PHC1: variants seen among roughly 807,000 people sequenced by gnomAD.
The protein encoded by PHC1 is polyhomeotic-like protein 1.
Under a neutral mutation model 104.3 loss-of-function variants are expected in PHC1, and 12 were observed. The observed-to-expected ratio is 0.12, with a 90% CI of 0.07 to 0.19. PHC1 has a LOEUF of 0.19. Among genes scored for constraint, PHC1 ranks in the 10% least tolerant of loss-of-function variants. The pLI is 1.00. For missense variants in PHC1, 671 were observed against 1,200.0 expected (o/e 0.56, Z 6.51); for synonymous variants, 302 against 455.8 (o/e 0.66, Z 4.30).
chr12:8,937,908 C>T lies in PHC1; in HGVS notation c.2708C>T (p.Ser903Leu). The T allele has an allele frequency of 1.2e-6, 2 of 1,608,290 alleles. No homozygotes were observed. Among genetic ancestry groups the T allele is most frequent in the Non-Finnish European group, 1.7e-6 (2 of 1,174,862 alleles). ...ALSPTSPGPL[S>L]VRAGHGERDL... ...TCTCCAACATCTCCTGGGCCTTTAT[C>T]AGTAAGAGCTGGGCATGGAGAACGT... The change falls in exon 14 of 15, where the codon TCA becomes TTA. Residue 903 changes from serine to leucine, a missense_variant. This residue lies in a region of PHC1 where 192 missense variants were observed against 280.5 expected (regional missense o/e 0.68). Coordinates refer to ENST00000544916, the MANE Select transcript of PHC1 (RefSeq NM_004426.3).
Position 8,930,494 on chromosome 12 carries a change from C to G in PHC1, c.672C>G (p.Gly224=), listed in dbSNP as rs1465801956. ...CAGCTCAAGGACCTCAGATGCAAGG[C>G]TCCACTCAGAAGGCCATTCCTCCAG... The part of the protein sequence containing the change: ...QASAQGPQMQ[G]STQKAIPPGA... Residue 224 remains glycine (G), a synonymous_variant, in exon 7 of 15, where the codon GGC becomes GGG. Coordinates refer to ENST00000544916, the MANE Select transcript of PHC1 (RefSeq NM_004426.3). The G allele has an allele frequency of 6.4e-7, 1 of 1,558,694 alleles. No homozygotes were observed. The highest frequency in any genetic ancestry group is 1.9e-5 in the Admixed American group (1 of 51,920).
In PHC1 at chr12:8,919,921, G is replaced by A; in HGVS notation, c.225+55G>A. The stretch of plus-strand genomic sequence containing the variant: ...AGGGAGGGGACAGGCACTACAGGTG[G>A]GTAGGGGAGATTTTTTGGGCATATA... On this transcript the variant is annotated intron_variant, in intron 3 of 14. Transcript: ENST00000544916. This position sits in a 1 kb window ranked among gnomAD's most constrained non-coding sequence, Gnocchi z 4.9. The A allele has an allele frequency of 6.4e-7, 1 of 1,571,212 alleles. No homozygotes were observed. Among genetic ancestry groups the A allele is most frequent in the Non-Finnish European group, 8.6e-7 (1 of 1,156,222 alleles).
intron 1 of PHC1, among the ~76,000 whole-genome samples, chr12:8,916,765 T>C (rs1224117710): frequency 6.6e-6 from 1 of 152,160 alleles, no homozygotes; most frequent in Non-Finnish European, 1.5e-5. Context: ...TAAAATGATA[T>C]ATTACATTCA....
intron 6 of PHC1, among the ~76,000 whole-genome samples, chr12:8,923,374 A>T (rs1382268425): frequency 6.6e-6 from 1 of 152,188 alleles, no homozygotes; most frequent in Non-Finnish European, 1.5e-5. Context: ...CTAGGATCTT[A>T]CGATAATTAT....
At position 8,921,460 on chromosome 12, in the gene PHC1, T is replaced by G. The variant is rs1431109781; in HGVS notation, c.307-141T>G. 3 of 780,466 alleles carry G rather than the reference T, an allele frequency of 3.8e-6. No homozygotes were observed. The South Asian group carries it at 5.0e-5, about 13-fold the overall frequency. 48.3% of individuals were successfully genotyped at this position (780,466 alleles called of 1,614,324 possible). A position where few individuals can be genotyped will look rare whatever the true frequency, so the allele number is the denominator to read the frequency against. On this transcript the variant is annotated intron_variant, in intron 4 of 14. Coordinates refer to ENST00000544916, the MANE Select transcript of PHC1 (RefSeq NM_004426.3). ...GTAGCCAGGATGACAGTTTTGGATA[T>G]GAAGACATTATTTATTTCCCCCGGC...
intron 13 of PHC1, among the ~76,000 whole-genome samples, 154 bp downstream of exon 13, chr12:8,937,480 C>T (rs1436257561): frequency 6.6e-6 from 1 of 152,166 alleles, no homozygotes; most frequent in Non-Finnish European, 1.5e-5. Flanking sequence ...TCCTGACCCC[C>T]TTTGTCTCCG....
Position 8,921,763 on chromosome 12 carries a change from T to C in PHC1, c.456+13T>C. ...GATGTATCTACGGGTAAGCCACAGATGCAGTCACCATTGCCCCAGAGGCAT... is the reference window on the plus strand; with the variant it reads ...GATGTATCTACGGGTAAGCCACAGACGCAGTCACCATTGCCCCAGAGGCAT... On this transcript the variant is annotated intron_variant, in intron 5 of 14. Transcript: ENST00000544916. The C allele has an allele frequency of 6.3e-7, 1 of 1,581,734 alleles. No homozygotes were observed. Among genetic ancestry groups the C allele is most frequent in the Non-Finnish European group, 8.6e-7 (1 of 1,166,106 alleles).
chr12:8,940,264 T>C lies in PHC1; in HGVS notation c.*805T>C, dbSNP rs1945971730. The C allele has an allele frequency of 1.2e-5, 2 of 161,302 alleles. No homozygotes were observed. The highest frequency in any genetic ancestry group is 4.9e-5 in the African/African-American group (2 of 40,882). 10.0% of individuals were successfully genotyped at this position (161,302 alleles called of 1,614,324 possible). A position where few individuals can be genotyped will look rare whatever the true frequency, so the allele number is the denominator to read the frequency against. On this transcript the variant is annotated 3_prime_UTR_variant, in exon 15 of 15. Coordinates refer to ENST00000544916, the MANE Select transcript of PHC1 (RefSeq NM_004426.3). ...CACTATTCCTTATATAACAAAAATA[T>C]TAAATATTTTTTTCCTCAGTAAAAG...
In PHC1 at chr12:8,921,623, C is replaced by A; in HGVS notation, c.329C>A (p.Ala110Asp). Residue 110 changes from alanine to aspartate, a missense_variant, in exon 5 of 15, where the codon GCC becomes GAC. Ala to Asp is a moderately radical substitution (Grantham distance 126, BLOSUM62 -2). Transcript: ENST00000544916. ...CAGATCAATCTGGCCACCACATCGG[C>A]CGCCCAGCTCATCAGCCGATCCCAG... is the stretch of plus-strand genomic sequence containing the variant. ...QASINLATTS[A>D]AQLISRSQSV... is the part of the protein sequence containing the mutation. The A allele has an allele frequency of 6.2e-7, 1 of 1,613,740 alleles. No homozygotes were observed. Among genetic ancestry groups the A allele is most frequent in the South Asian group, 1.1e-5 (1 of 91,008 alleles).
upstream of PHC1, among the ~76,000 whole-genome samples, chr12:8,914,214 G>C (rs961806377): frequency 1.3e-5 from 2 of 151,852 alleles, no homozygotes; most frequent in Non-Finnish European, 2.9e-5. Context: ...TCTCCTCTCC[G>C]AGAGGTGCGT....
chr12:8,929,706 T>G (rs1291215688), intron 6 of PHC1, among the ~76,000 whole-genome samples: 2 of 152,028 alleles, frequency 1.3e-5, no homozygotes, highest in East Asian at 3.9e-4. Context: ...TTTCTGTATT[T>G]TTTTGTAGAG....
At chr12:8,931,718 C>A (rs1945691140) in intron 7 of PHC1, among the ~76,000 whole-genome samples, 1 of 152,102 alleles carries the variant, frequency 6.6e-6, no homozygotes, top group Admixed American at 6.5e-5. Context: ...TGCTTTCAGA[C>A]TGCGGGTAAG....
chr12:8,922,484 ATATGAGGCTCCTGGGTTGG>A, intron 5 of PHC1, 130 bp from the exon 6 acceptor site: 1 of 639,544 alleles, frequency 1.6e-6, no homozygotes, highest in Non-Finnish European at 2.7e-6. Flanking sequence ...CATGTGGAGA[ATATGAGGCTCCTGGGTTGG>A]TGTGGAAGAG....
At chr12:8,924,781 A>G (rs761894307) in intron 6 of PHC1, among the ~76,000 whole-genome samples, 3 of 152,224 alleles carry the variant, frequency 2.0e-5, no homozygotes, top group Non-Finnish European at 4.4e-5. Flanking sequence ...AGGAGGTTGT[A>G]GTTAACTTCA....
chr12:8,935,143 T>G lies in PHC1; in HGVS notation c.2273T>G (p.Leu758Arg). The G allele has an allele frequency of 1.3e-6, 2 of 1,575,352 alleles. No individual in the cohort carries two copies. Among genetic ancestry groups the G allele is most frequent in the Non-Finnish European group, 1.7e-6 (2 of 1,153,408 alleles). ...GGACAGGTGGGTTGTTCTCAGTTAC[T>G]GAAGGAGTCTGAGAAGCCACTACAG... The part of the protein sequence containing the change: ...EPFPVGCSQL[L>R]KESEKPLQTG... Residue 758 changes from leucine (L) to arginine (R), a missense_variant, in exon 11 of 15, where the codon CTG becomes CGG. Leu to Arg is a moderately radical substitution (Grantham distance 102). This residue lies in a region of PHC1 where 192 missense variants were observed against 280.5 expected (regional missense o/e 0.68). Coordinates refer to ENST00000544916, the MANE Select transcript of PHC1 (RefSeq NM_004426.3).
chr12:8,920,926 A>T, intron 3 of PHC1, 59 bp from the exon 4 acceptor site: 1 of 1,130,378 alleles, frequency 8.8e-7, no homozygotes, highest in Non-Finnish European at 1.3e-6. Context: ...TTACTAGAAG[A>T]CTGAGAGCTT....
At chr12:8,929,719 A>G (rs1004278439) in intron 6 of PHC1, among the ~76,000 whole-genome samples, 3 of 151,856 alleles carry the variant, frequency 2.0e-5, no homozygotes, top group Non-Finnish European at 4.4e-5. Flanking sequence ...TTGTAGAGGC[A>G]GTGTTGCCCA....
At chr12:8,929,396 A>G (rs1037633491) in intron 6 of PHC1, among the ~76,000 whole-genome samples, 4 of 152,120 alleles carry the variant, frequency 2.6e-5, no homozygotes, top group African/African-American at 9.7e-5. Flanking sequence ...CTCCTTATCC[A>G]CAGCCTGCCT....
chr12:8,930,306 G>C, intron 6 of PHC1, 129 bp from the exon 7 acceptor site: 1 of 1,383,200 alleles, frequency 7.2e-7, no homozygotes. Context: ...AAAGTATATG[G>C]TAAAGGCAGA....
Sources: gnomAD v4.1 joint callset for allele counts (sites outside exome capture counted in the v4.1 genomes callset) on GRCh38, gnomAD v4.1.1 for gene constraint, gnomAD v4.1.1 regional missense constraint, Gnocchi (gnomAD v3.1) non-coding constraint, MANE v1.5 for transcripts, NCBI Gene and HGNC (gene_info 2026-07-23, HGNC 2026-07-21) for gene names.